GLB1: variants seen among roughly 807,000 people sequenced by gnomAD.
The protein encoded by GLB1 is galactosidase beta 1.
In GLB1, 56 loss-of-function variants were observed where a neutral mutation model predicts 74.0. That is an observed-to-expected ratio of 0.76 (90% confidence interval 0.61 to 0.94). GLB1 has a LOEUF of 0.94. GLB1 is among the 40% of genes least tolerant of loss of function. The pLI is 0.00. For missense variants in GLB1, 787 were observed against 845.5 expected (o/e 0.93, Z 0.86); for synonymous variants, 323 against 323.6 (o/e 1.00, Z 0.02).
At position 33,021,541 on chromosome 3, in the gene GLB1, C is replaced by T. The variant is rs374843516; in HGVS notation, c.1233+25G>A. The T allele has an allele frequency of 3.2e-5, 52 of 1,609,226 alleles. No homozygotes were observed. In the African/African-American group the frequency reaches 4.9e-4, roughly 15 times the overall value. ...CACACTTTTGCAAGTAGAAAAAAGG[C>T]GAGGCATTACCTTTGAAGGCCTACC... On this transcript the variant is annotated intron_variant, in intron 12 of 15. Coordinates refer to ENST00000307363, the MANE Select transcript of GLB1 (RefSeq NM_000404.4).
the GLB1 span, among the ~76,000 whole-genome samples, chr3:32,963,614 G>A: frequency 3.0e-5 from 4 of 132,398 alleles, no homozygotes; most frequent in African/African-American, 1.3e-4. Flanking sequence ...TGGTTGAAAT[G>A]CTTAATAATA....
Position 33,093,499 on chromosome 3 carries a change from C to T in GLB1, c.75+3512G>A, listed in dbSNP as rs747195298. The T allele has an allele frequency of 2.5e-6, 4 of 1,614,220 alleles. No individual in the cohort carries two copies. Among genetic ancestry groups the T allele is most frequent in the Middle Eastern group, 1.6e-4 (1 of 6,062 alleles). ...GTGATGTCTGGTTCCAGCACATTCA[C>T]CATCCTCACAAACATTTCCATCTTG... On this transcript the variant is annotated intron_variant, in intron 1 of 15. Coordinates refer to ENST00000307363, the MANE Select transcript of GLB1 (RefSeq NM_000404.4). The surrounding 1 kb of genome is among the most constrained non-coding windows in gnomAD (Gnocchi z 6.0).
chr3:33,043,869 C>CAAAAA (rs1698637177), intron 10 of GLB1, among the ~76,000 whole-genome samples: 1 of 39,904 alleles, frequency 2.5e-5, no homozygotes. Flanking sequence ...AAAAGGCTTC[C>CAAAAA]AGGCAAAAAG....
At chr3:33,003,723 G>A (rs1696672433) in intron 15 of GLB1, among the ~76,000 whole-genome samples, 2 of 152,154 alleles carry the variant, frequency 1.3e-5, no homozygotes, top group Admixed American at 1.3e-4. Context: ...TTATTAGTGG[G>A]TCCCTCTATC....
chr3:32,996,596 T>C (rs569828403), downstream of GLB1: 4 of 255,652 alleles, frequency 1.6e-5, no homozygotes, highest in Non-Finnish European at 3.1e-5. Context: ...AGTCCACAGA[T>C]CAAACCAAGA....
At chr3:33,095,528 G>C (rs902703568) in intron 1 of GLB1, among the ~76,000 whole-genome samples, 4 of 152,184 alleles carry the variant, frequency 2.6e-5, no homozygotes, top group Non-Finnish European at 5.9e-5. Context: ...AGAAGCCCAA[G>C]AGGGACACCT....
intron 10 of GLB1, among the ~76,000 whole-genome samples, chr3:33,028,198 C>T (rs546960947): frequency 6.6e-6 from 1 of 152,286 alleles, no homozygotes; most frequent in Admixed American, 6.5e-5. Flanking sequence ...GCTACCACGC[C>T]CAGCACATTT....
At chr3:33,026,114 GGCTGCAGCTACCAA>G (rs145723627) in intron 10 of GLB1, among the ~76,000 whole-genome samples, 13 of 151,610 alleles carry the variant, frequency 8.6e-5, no homozygotes, top group African/African-American at 2.2e-4. Context: ...AGCTGGGCGT[GGCTGCAGCTACCAA>G]GCTGCAGCTG....
At chr3:32,975,540 T>C in the GLB1 span, among the ~76,000 whole-genome samples, 4 of 152,102 alleles carry the variant, frequency 2.6e-5, no homozygotes, top group Admixed American at 1.3e-4. Flanking sequence ...CAATACCCAG[T>C]ACAGGGGCAA....
intron 15 of GLB1, among the ~76,000 whole-genome samples, chr3:33,011,015 C>T: frequency 6.6e-6 from 1 of 152,110 alleles, no homozygotes; most frequent in South Asian, 2.1e-4. Flanking sequence ...CACCACCACG[C>T]CTGGCTAATT....
At chr3:33,071,597 C>A (rs764018579) in intron 2 of GLB1, among the ~76,000 whole-genome samples, 15 of 152,152 alleles carry the variant, frequency 9.9e-5, no homozygotes, top group Admixed American at 2.0e-4. Context: ...GAAAACAATA[C>A]CCCAAAGTAT....
chr3:33,071,617 G>A (rs1473426984), intron 2 of GLB1, among the ~76,000 whole-genome samples: 1 of 152,140 alleles, frequency 6.6e-6, no homozygotes, highest in Non-Finnish European at 1.5e-5. Flanking sequence ...TGGCACCTTG[G>A]CATGCTAAGT....
chr3:33,016,476 C>A (rs145457348), intron 14 of GLB1, among the ~76,000 whole-genome samples: 39 of 152,332 alleles, frequency 2.6e-4, no homozygotes, highest in African/African-American at 7.9e-4. Context: ...CCTGCCTCAG[C>A]CTCCTGAGTA....
Position 33,093,664 on chromosome 3 carries a change from C to T in GLB1, c.75+3347G>A, listed in dbSNP as rs1187389735. On this transcript the variant is annotated intron_variant, in intron 1 of 15. Coordinates refer to ENST00000307363, the MANE Select transcript of GLB1 (RefSeq NM_000404.4). This position sits in a 1 kb window ranked among gnomAD's most constrained non-coding sequence, Gnocchi z 6.0. ...TGCGCGGCATTCAGAATCCCGGCCA[C>T]GCTGAGCACAGCAGTCACTCCCACT... 1.4e-5 allele frequency: 22 copies of T among 1,614,134 alleles called. No homozygotes were observed. In the East Asian group the frequency reaches 3.3e-4, roughly 25 times the overall value.
At position 33,065,505 on chromosome 3, in the gene GLB1, C is replaced by T. The variant is rs1327636977; in HGVS notation, c.510G>A (p.Lys170=). 6.3e-7 allele frequency: 1 copy of T among 1,586,790 alleles called. No homozygotes were observed. The highest frequency in any genetic ancestry group is 1.1e-5 in the South Asian group (1 of 87,744). The change falls in exon 5 of 16, where the codon AAG becomes AAA. Residue 170 remains lysine, a synonymous_variant. Coordinates refer to ENST00000307363, the MANE Select transcript of GLB1 (RefSeq NM_000404.4). ...GCCCTCCATTCTGATAGAGGAGAGG[C>T]TTCATCTTGGGCAGAAGGACTCCCA... ...KWLGVLLPKM[K]PLLYQNGGPV...
intron 10 of GLB1, among the ~76,000 whole-genome samples, chr3:33,035,517 G>GAA (rs1698235678): frequency 6.6e-6 from 1 of 152,144 alleles, no homozygotes; most frequent in Non-Finnish European, 1.5e-5. Context: ...CTCATATGTT[G>GAA]AAATTCTAAT....
intron 1 of GLB1, among the ~76,000 whole-genome samples, chr3:33,084,489 C>T (rs1346536487): frequency 6.6e-6 from 1 of 152,128 alleles, no homozygotes. Flanking sequence ...ATAATCTGCT[C>T]TAGCTTATGC....
intron 9 of GLB1, among the ~76,000 whole-genome samples, chr3:33,048,412 CTT>C (rs1698831320): frequency 6.6e-6 from 1 of 152,216 alleles, no homozygotes; most frequent in Admixed American, 6.5e-5. Context: ...AATGGTGAGA[CTT>C]TGCATTCATC....
chr3:32,987,765 T>C, the GLB1 span, among the ~76,000 whole-genome samples: 3 of 152,206 alleles, frequency 2.0e-5, no homozygotes, highest in Admixed American at 6.5e-5. Context: ...ATGCCCAGCA[T>C]GTATTAGGTA....
Sources: gnomAD v4.1 joint callset for allele counts (sites outside exome capture counted in the v4.1 genomes callset) on GRCh38, gnomAD v4.1.1 for gene constraint, Gnocchi (gnomAD v3.1) non-coding constraint, MANE v1.5 for transcripts, NCBI Gene and HGNC (gene_info 2026-07-23, HGNC 2026-07-21) for gene names.